FAM227B: variants seen among roughly 807,000 people sequenced by gnomAD.
The protein encoded by FAM227B is family with sequence similarity 227 member B.
In FAM227B, 88 loss-of-function variants were observed where a neutral mutation model predicts 73.8. The ratio of observed to expected loss-of-function variants is 1.19; its 90% CI spans 1.00 to 1.42. FAM227B has a LOEUF of 1.42. Ranked by LOEUF, FAM227B falls within the 40% of genes most tolerant of loss-of-function variation. The pLI is 0.00. For synonymous variants in FAM227B, 210 were observed against 190.5 expected (o/e 1.10, Z -0.84); for missense variants, 632 against 590.9 (o/e 1.07, Z -0.72).
At chr15:49,501,658 C>A (rs1471502776) in intron 11 of FAM227B, among the ~76,000 whole-genome samples, 1 of 152,222 alleles carries the variant, frequency 6.6e-6, no homozygotes, top group Non-Finnish European at 1.5e-5. Context: ...AAAGAAAAGG[C>A]TCTTTTGGAA....
At chr15:49,463,540 G>T (rs994603560) in intron 11 of FAM227B, among the ~76,000 whole-genome samples, 1 of 131,436 alleles carries the variant, frequency 7.6e-6, no homozygotes. Context: ...GACACAGTGA[G>T]ATTCCGTCTC....
At chr15:49,603,030 C>G (rs1469576297) in intron 3 of FAM227B, among the ~76,000 whole-genome samples, 2 of 152,108 alleles carry the variant, frequency 1.3e-5, no homozygotes, top group Non-Finnish European at 2.9e-5. Flanking sequence ...CAGTACCATG[C>G]TGTTTTGGTT....
At chr15:49,372,918 G>A (rs2045938955) in intron 11 of FAM227B, among the ~76,000 whole-genome samples, 1 of 152,056 alleles carries the variant, frequency 6.6e-6, no homozygotes, top group African/African-American at 2.4e-5. Context: ...AAGCATTTAT[G>A]TCCACCAGGG....
intron 3 of FAM227B, among the ~76,000 whole-genome samples, chr15:49,607,055 G>C (rs1259015648): frequency 6.6e-6 from 1 of 152,128 alleles, no homozygotes; most frequent in East Asian, 1.9e-4. Context: ...CTTAGCTTAA[G>C]GGGAAGAAAT....
intron 3 of FAM227B, 114 bp downstream of exon 3, chr15:49,611,101 T>C (rs181816690): frequency 1.4e-5 from 9 of 629,864 alleles, no homozygotes; most frequent in South Asian, 6.6e-5. Context: ...ACTTTCCTCA[T>C]TGAAACATAT....
At chr15:49,474,237 A>C (rs2055042982) in intron 11 of FAM227B, among the ~76,000 whole-genome samples, 1 of 152,186 alleles carries the variant, frequency 6.6e-6, no homozygotes, top group African/African-American at 2.4e-5. Flanking sequence ...TTTTTAGTAA[A>C]TAATGTAGCT....
intron 11 of FAM227B, among the ~76,000 whole-genome samples, chr15:49,396,956 G>C (rs2047718570): frequency 6.6e-6 from 1 of 152,164 alleles, no homozygotes; most frequent in Non-Finnish European, 1.5e-5. Context: ...TCCTTCAAAG[G>C]AACGCAGTTC....
At chr15:49,556,423 G>A (rs1818590220) in intron 9 of FAM227B, among the ~76,000 whole-genome samples, 2 of 152,184 alleles carry the variant, frequency 1.3e-5, no homozygotes, top group African/African-American at 4.8e-5. Context: ...CTGGCCCCTT[G>A]AGGTTAGAAA....
chr15:49,519,439 C>T (rs1174473129), intron 10 of FAM227B, among the ~76,000 whole-genome samples: 1 of 152,200 alleles, frequency 6.6e-6, no homozygotes, highest in Non-Finnish European at 1.5e-5. Context: ...ATGAGGGTTC[C>T]ACCCCTGCAG....
At chr15:49,570,311 A>T (rs1221128307) in intron 8 of FAM227B, among the ~76,000 whole-genome samples, 2 of 151,870 alleles carry the variant, frequency 1.3e-5, no homozygotes, top group African/African-American at 4.8e-5. Flanking sequence ...TCTTTTTGAT[A>T]ACAGTCATGT....
At chr15:49,609,779 T>G (rs949634817) in intron 3 of FAM227B, among the ~76,000 whole-genome samples, 3 of 151,950 alleles carry the variant, frequency 2.0e-5, no homozygotes, top group African/African-American at 7.2e-5. Flanking sequence ...TGTATAAACA[T>G]AGTCAAACCA....
At chr15:49,446,602 T>C (rs531122733) in intron 11 of FAM227B, among the ~76,000 whole-genome samples, 7 of 151,432 alleles carry the variant, frequency 4.6e-5, no homozygotes, top group African/African-American at 1.7e-4. Flanking sequence ...AGAGCTTTTT[T>C]AAAGAAGAGA....
At chr15:49,366,790 G>T (rs2045288932) in intron 13 of FAM227B, 6 of 586,832 alleles carry the variant, frequency 1.0e-5, no homozygotes, top group African/African-American at 2.0e-5. Flanking sequence ...GCCGGGCTAG[G>T]CTGGGATCGC....
intron 13 of FAM227B, among the ~76,000 whole-genome samples, chr15:49,348,268 C>A (rs1282116162): frequency 6.6e-6 from 1 of 152,154 alleles, no homozygotes; most frequent in Non-Finnish European, 1.5e-5. Flanking sequence ...CTACCCTCCA[C>A]AAAGCTATTC....
In FAM227B at chr15:49,330,451, A is replaced by G. The variant is rs183527205; in HGVS notation, c.1419+1329T>C. ...CAGTATCAGATATTCTGGATTACTCAGAATCTGGATTACTGAGTGGTGGAA... is the reference window on the plus strand; with the variant it reads ...CAGTATCAGATATTCTGGATTACTCGGAATCTGGATTACTGAGTGGTGGAA... On this transcript the variant is annotated intron_variant, in intron 15 of 15. Transcript: ENST00000299338. 4.6e-5 allele frequency: 7 copies of G among 152,312 alleles called. No individual in the cohort carries two copies. In the East Asian group the frequency reaches 1.4e-3, roughly 29 times the overall value. 9.4% of individuals were successfully genotyped at this position (152,312 alleles called of 1,614,324 possible). A position where few individuals can be genotyped will look rare whatever the true frequency, so the allele number is the denominator to read the frequency against.
chr15:49,588,101 T>C lies in FAM227B; in HGVS notation c.338-18A>G, dbSNP rs755284215. 5.9e-6 allele frequency: 8 copies of C among 1,366,638 alleles called. No individual in the cohort carries two copies. In the African/African-American group the frequency reaches 1.2e-4, roughly 20 times the overall value. 84.7% of individuals were successfully genotyped at this position (1,366,638 alleles called of 1,614,324 possible). A position where few individuals can be genotyped will look rare whatever the true frequency, so the allele number is the denominator to read the frequency against. ...ATAAGAACCTTTAAGAAAATAAGAA[T>C]TCACAGTATATATATTATACATATG... On this transcript the variant is annotated intron_variant, in intron 4 of 15. Coordinates refer to ENST00000299338, the MANE Select transcript of FAM227B (RefSeq NM_152647.3).
intron 11 of FAM227B, among the ~76,000 whole-genome samples, chr15:49,430,560 G>T (rs1268703045): frequency 6.6e-6 from 1 of 151,810 alleles, no homozygotes; most frequent in Non-Finnish European, 1.5e-5. Context: ...ATAAAGAAAA[G>T]AAATTTATTC....
intron 13 of FAM227B, among the ~76,000 whole-genome samples, chr15:49,345,678 A>G (rs2041371487): frequency 6.6e-6 from 1 of 152,200 alleles, no homozygotes; most frequent in African/African-American, 2.4e-5. Context: ...TGGAAGATTC[A>G]CTTGGGGACA....
intron 11 of FAM227B, among the ~76,000 whole-genome samples, chr15:49,379,364 G>C (rs2046374273): frequency 6.6e-6 from 1 of 152,088 alleles, no homozygotes; most frequent in South Asian, 2.1e-4. Flanking sequence ...TTTTGATTTT[G>C]AGTAGGATTG....
Sources: allele counts gnomAD v4.1 joint callset (sites outside exome capture counted in the v4.1 genomes callset), GRCh38; gene constraint gnomAD v4.1.1; transcripts MANE v1.5; gene names NCBI Gene and HGNC (gene_info 2026-07-23, HGNC 2026-07-21).